Variants in HTR1F observed in about 807,000 individuals in gnomAD.
The protein encoded by HTR1F is 5-hydroxytryptamine receptor 1F.
A neutral mutation model predicts 24.0 loss-of-function variants in HTR1F; 17 were observed. That is an observed-to-expected ratio of 0.71 (90% CI 0.48 to 1.06). HTR1F has a LOEUF of 1.06. Ranked by LOEUF, HTR1F falls within the 50% of genes least tolerant of loss-of-function variation. HTR1F has a pLI of 0.00. For synonymous variants in HTR1F, 186 were observed against 156.8 expected, an observed-to-expected ratio of 1.19 and a Z score of -1.39; for missense variants, 391 against 427.8, an observed-to-expected ratio of 0.91 and a Z score of 0.76.
rs1260007881 is a variant in HTR1F, at chr3:87,919,339, A to C, written c.-42-71369A>C. The stretch of plus-strand genomic sequence containing the variant: ...CAAAGATTTTATGACCAAGAACCCA[A>C]AAGCAAATGCAATAACAACAAAGAT... On this transcript the variant is annotated intron_variant, in intron 2 of 2. Coordinates refer to ENST00000319595, the MANE Select transcript of HTR1F (RefSeq NM_001322209.2). Among the ~76,000 whole-genome samples the C allele has an allele frequency of 4.6e-5, 7 of 152,072 alleles. No individual in the cohort carries two copies. In the East Asian group the frequency reaches 1.3e-3, roughly 29 times the overall value.
intron 1 of HTR1F, among the ~76,000 whole-genome samples, chr3:87,814,667 A>G (rs549340820): frequency 6.6e-6 from 1 of 152,314 alleles, no homozygotes; most frequent in South Asian, 2.1e-4. Context: ...TCTTAAAATG[A>G]TTAAAAGACA....
At chr3:87,821,102 T>TA (rs1421348603) in intron 1 of HTR1F, among the ~76,000 whole-genome samples, 5 of 152,194 alleles carry the variant, frequency 3.3e-5, no homozygotes, top group Admixed American at 3.3e-4. Context: ...TACTTCTACC[T>TA]AAAAATACTA....
At chr3:87,987,680 TA>T (rs1339913165) in intron 2 of HTR1F, among the ~76,000 whole-genome samples, 4 of 127,952 alleles carry the variant, frequency 3.1e-5, no homozygotes, top group African/African-American at 1.1e-4. Flanking sequence ...ATTATATATA[TA>T]TTTTATATAT....
rs2919268 is a variant in HTR1F, at chr3:87,909,707, G to T, written c.-42-81001G>T. On this transcript the variant is annotated intron_variant, in intron 2 of 2. Transcript: ENST00000319595. ...TAAAGAAGCTAAGCTTGAAACCTAG[G>T]TCTAAACAGACAGCCCCAGAGTCTT... 2.0e-5 allele frequency among the ~76,000 whole-genome samples: 3 copies of T among 152,006 alleles called. No homozygotes were observed. In the East Asian group the frequency reaches 5.8e-4, roughly 29 times the overall value.
intron 1 of HTR1F, among the ~76,000 whole-genome samples, chr3:87,798,765 G>A (rs1268243238): frequency 6.6e-6 from 1 of 152,114 alleles, no homozygotes; most frequent in Non-Finnish European, 1.5e-5. Context: ...CTCACCGAAT[G>A]ACTCAGTAAC....
At chr3:87,983,464 C>G (rs1705596137) in intron 2 of HTR1F, among the ~76,000 whole-genome samples, 1 of 152,162 alleles carries the variant, frequency 6.6e-6, no homozygotes, top group Non-Finnish European at 1.5e-5. Context: ...ATTCAAAACT[C>G]TACAATCCCA....
intron 2 of HTR1F, among the ~76,000 whole-genome samples, chr3:87,920,167 C>T (rs1703982559): frequency 6.6e-6 from 1 of 151,590 alleles, no homozygotes. Flanking sequence ...AGCAAACATC[C>T]TACATTCTCA....
chr3:87,796,577 G>A (rs1703909752), intron 1 of HTR1F, among the ~76,000 whole-genome samples: 1 of 152,134 alleles, frequency 6.6e-6, no homozygotes, highest in Admixed American at 6.5e-5. Flanking sequence ...GAGGGTAGGA[G>A]CCATAAAAGG....
chr3:87,841,503 G>A (rs550294354), intron 2 of HTR1F, among the ~76,000 whole-genome samples: 2 of 151,850 alleles, frequency 1.3e-5, no homozygotes, highest in Non-Finnish European at 2.9e-5. Context: ...GTGCAAGGGG[G>A]TTGGGAACTC....
rs917101897 is a variant in HTR1F, at chr3:87,881,147, A to G, written c.-43+59023A>G. 4.6e-5 allele frequency among the ~76,000 whole-genome samples: 7 copies of G among 152,320 alleles called. No individual in the cohort carries two copies. The South Asian group carries it at 6.2e-4, about 14-fold the overall frequency. ...GGGCATTGCCTCACCTGGGAAGTGC[A>G]AGGGGTCAGGAGATTTCCATTTCCT... On this transcript the variant is annotated intron_variant, in intron 2 of 2. Transcript: ENST00000319595.
At chr3:87,904,069 A>G (rs1703597833) in intron 2 of HTR1F, among the ~76,000 whole-genome samples, 1 of 152,146 alleles carries the variant, frequency 6.6e-6, no homozygotes, top group Non-Finnish European at 1.5e-5. Context: ...AAAGACTTGA[A>G]CCAATAATTC....
intron 2 of HTR1F, among the ~76,000 whole-genome samples, chr3:87,840,769 G>A (rs1425108649): frequency 6.6e-6 from 1 of 151,912 alleles, no homozygotes; most frequent in Non-Finnish European, 1.5e-5. Flanking sequence ...AGGAAATTCT[G>A]TCATTTGCAA....
intron 1 of HTR1F, among the ~76,000 whole-genome samples, chr3:87,798,635 C>G (rs1010259900): frequency 6.6e-6 from 1 of 152,030 alleles, no homozygotes; most frequent in African/African-American, 2.4e-5. Flanking sequence ...ACCAGCTCCT[C>G]CACTCCCATT....
intron 1 of HTR1F, among the ~76,000 whole-genome samples, chr3:87,817,225 T>G (rs1229141701): frequency 6.6e-6 from 1 of 152,172 alleles, no homozygotes; most frequent in Non-Finnish European, 1.5e-5. Context: ...ACTTGAATGC[T>G]ATCATGCGGG....
chr3:87,858,082 C>T (rs1448187734), intron 2 of HTR1F, among the ~76,000 whole-genome samples: 2 of 152,112 alleles, frequency 1.3e-5, no homozygotes, highest in East Asian at 3.9e-4. Flanking sequence ...ATAATCTATT[C>T]TCTACCCTAG....
chr3:87,843,673 T>TCCCCCCC (rs36180414), intron 2 of HTR1F, among the ~76,000 whole-genome samples: 11 of 122,546 alleles, frequency 9.0e-5, no homozygotes, highest in African/African-American at 2.0e-4. Flanking sequence ...GTGCTATCCC[T>TCCCCCCC]CCCCCTCCCC....
chr3:87,834,517 G>A (rs534566473), intron 2 of HTR1F, among the ~76,000 whole-genome samples: 3 of 151,826 alleles, frequency 2.0e-5, no homozygotes, highest in East Asian at 3.9e-4. Flanking sequence ...GTGAGGTGGC[G>A]CTTAAGAACT....
At chr3:87,959,964 A>C (rs2107476726) in intron 2 of HTR1F, among the ~76,000 whole-genome samples, 1 of 152,118 alleles carries the variant, frequency 6.6e-6, no homozygotes, top group South Asian at 2.1e-4. Flanking sequence ...CTATTCAAAA[A>C]GTTGGGCTTG....
intron 2 of HTR1F, among the ~76,000 whole-genome samples, chr3:87,848,063 C>A (rs1202026550): frequency 2.0e-5 from 3 of 151,744 alleles, no homozygotes; most frequent in African/African-American, 7.3e-5. Flanking sequence ...GTATAGTAGG[C>A]CTCTTTTTAG....
Sources: gnomAD v4.1 joint callset for allele counts (sites outside exome capture counted in the v4.1 genomes callset) on GRCh38, gnomAD v4.1.1 for gene constraint, MANE v1.5 for transcripts, NCBI Gene and HGNC (gene_info 2026-07-23, HGNC 2026-07-21) for gene names.